The following METTL21A variants were observed in gnomAD, a reference collection of about 807,000 sequenced individuals.
The protein encoded by METTL21A is methyltransferase 21A, HSPA lysine.
Under a neutral mutation model 20.9 loss-of-function variants are expected in METTL21A, and 22 were observed. The observed-to-expected ratio is 1.05, with a 90% CI of 0.75 to 1.50. The LOEUF (loss-of-function observed/expected upper bound fraction) is 1.50. METTL21A is among the 40% of genes most tolerant of loss of function. The probability of loss-of-function intolerance (pLI) is 0.00; values close to 1 mark genes in which losing one functional copy is unlikely to be tolerated. For synonymous variants in METTL21A, 93 were observed against 102.0 expected (o/e 0.91, Z 0.53); for missense variants, 271 against 266.8 (o/e 1.02, Z -0.11).
intron 3 of METTL21A, chr2:207,599,608 C>T (rs1391023581): frequency 5.0e-6 from 1 of 199,134 alleles, no homozygotes; most frequent in Non-Finnish European, 1.0e-5. Context: ...AGAAATGTAT[C>T]CTGTTGCTAA....
intron 3 of METTL21A, chr2:207,601,741 G>A (rs2087089727): frequency 4.6e-6 from 1 of 215,890 alleles, no homozygotes; most frequent in African/African-American, 2.3e-5. Context: ...AAGAAATGCT[G>A]CCTAAATTTG....
intron 3 of METTL21A, chr2:207,599,685 G>T (rs2086719424): frequency 5.1e-6 from 1 of 197,628 alleles, no homozygotes. Context: ...AGCATCTTTT[G>T]TGCAGTTTTC....
At position 207,613,585 on chromosome 2, in the gene METTL21A, G is replaced by A. The variant is rs574130771; in HGVS notation, c.260-142C>T. The A allele has an allele frequency of 1.9e-5, 14 of 737,784 alleles. No homozygotes were observed. In the African/African-American group the frequency reaches 2.5e-4, roughly 13 times the overall value. The allele number at this position is 737,784 out of a possible 1,614,324, so 45.7% of individuals were successfully genotyped here. ...TCAATCACACCTTTCATGGACAGCT[G>A]CAATAGAAAAATGACTCACAGCTCC... is the stretch of plus-strand genomic sequence containing the variant. On this transcript the variant is annotated intron_variant, in intron 3 of 3. Coordinates refer to ENST00000406927, the Ensembl canonical transcript of METTL21A.
chr2:207,604,330 G>A (rs904997551), downstream of METTL21A, among the ~76,000 whole-genome samples: 2 of 152,176 alleles, frequency 1.3e-5, no homozygotes, highest in Non-Finnish European at 2.9e-5. Context: ...ACAGGCCCAA[G>A]ACAAACTTAA....
chr2:207,595,776 C>T lies in METTL21A; in HGVS notation c.260-13616G>A, dbSNP rs866433420. On this transcript the variant is annotated intron_variant, in intron 3 of 3. Coordinates refer to the METTL21A transcript ENST00000425132. The stretch of plus-strand genomic sequence containing the variant: ...TAGAGACAGGGTCTTAATATATTGC[C>T]CAGGCTGTTCTTGAACACATGGGTT... Among the ~76,000 whole-genome samples the T allele has an allele frequency of 7.9e-5, 12 of 152,126 alleles. No homozygotes were observed. The East Asian group carries it at 2.1e-3, about 27-fold the overall frequency.
At chr2:207,607,389 CAAA>C (rs911579268), downstream of METTL21A, among the ~76,000 whole-genome samples, 1 of 147,702 alleles carries the variant, frequency 6.8e-6, no homozygotes, top group Non-Finnish European at 1.5e-5. Flanking sequence ...AATTCCATCT[CAAA>C]AAAAAGAAAG....
intron 3 of METTL21A, chr2:207,601,787 A>G (rs1253713473): frequency 4.6e-6 from 1 of 218,732 alleles, no homozygotes; most frequent in Non-Finnish European, 9.2e-6. Context: ...AAGTGTGCAT[A>G]GTAAGGCTGT....
At chr2:207,612,336 G>A (rs1439421725), downstream of METTL21A, 2 of 151,864 alleles carry the variant, frequency 1.3e-5, no homozygotes, top group Non-Finnish European at 2.9e-5. Context: ...CTGACCTCAG[G>A]TGATCTGCCC....
intron 3 of METTL21A, among the ~76,000 whole-genome samples, chr2:207,620,100 C>T (rs1382023861): frequency 6.6e-6 from 1 of 152,078 alleles, no homozygotes; most frequent in Non-Finnish European, 1.5e-5. Context: ...ACCTCATTTC[C>T]CCTTATAGTA....
At chr2:207,597,143 C>G in intron 3 of METTL21A, 1 of 1,397,070 alleles carries the variant, frequency 7.2e-7, no homozygotes, top group Non-Finnish European at 9.6e-7. Flanking sequence ...ATTTTATTTT[C>G]TAAACATTTC....
At chr2:207,612,993 C>G in exon 4 of METTL21A, 1 of 1,493,334 alleles carries the variant, frequency 6.7e-7, no homozygotes, top group Non-Finnish European at 9.0e-7. Context: ...GATTTGCAGT[C>G]TAAGACCTTA....
At chr2:207,591,673 T>G (rs1363048600) in intron 3 of METTL21A, among the ~76,000 whole-genome samples, 1 of 152,250 alleles carries the variant, frequency 6.6e-6, no homozygotes, top group Non-Finnish European at 1.5e-5. Context: ...CCTCAAGTTA[T>G]CCGCTCACCT....
rs568416312 is a variant in METTL21A, at chr2:207,582,083, A to G, written c.*64T>C. On this transcript the variant is annotated 3_prime_UTR_variant, in exon 4 of 4. Coordinates refer to the METTL21A transcript ENST00000425132. ...TGATCACTTGGTTAAAGTGCTGTCC[A>G]GGTGTCTCCACTGTTGAGCTACCAT... 7.1e-6 allele frequency: 5 copies of G among 702,500 alleles called. No homozygotes were observed. The African/African-American group carries it at 8.7e-5, about 12-fold the overall frequency. 43.5% of individuals were successfully genotyped at this position (702,500 alleles called of 1,614,324 possible). A position where few individuals can be genotyped will look rare whatever the true frequency, so the allele number is the denominator to read the frequency against.
At chr2:207,588,355 G>T (rs1035141494) in intron 3 of METTL21A, among the ~76,000 whole-genome samples, 1 of 151,904 alleles carries the variant, frequency 6.6e-6, no homozygotes, top group Non-Finnish European at 1.5e-5. Flanking sequence ...GACCATATTT[G>T]TGTGAGTCTG....
chr2:207,625,475 G>T (rs556152937), upstream of METTL21A: 27 of 152,470 alleles, frequency 1.8e-4, no homozygotes, highest in South Asian at 2.9e-3. Context: ...CGGTGGAGGA[G>T]TGACGTTGCG....
chr2:207,603,338 TTTTC>T (rs1195579263), intron 3 of METTL21A: 2 of 223,998 alleles, frequency 8.9e-6, no homozygotes, highest in African/African-American at 4.5e-5. Flanking sequence ...ATAAAGTGCT[TTTTC>T]TTACTGTAAT....
At chr2:207,582,935 AC>A (rs1335195343) in intron 3 of METTL21A, 1 of 220,790 alleles carries the variant, frequency 4.5e-6, no homozygotes, top group African/African-American at 2.4e-5. Flanking sequence ...ATATATACAT[AC>A]ACACACACAT....
At chr2:207,615,512 A>G (rs965964847) in intron 3 of METTL21A, among the ~76,000 whole-genome samples, 2 of 152,188 alleles carry the variant, frequency 1.3e-5, no homozygotes, top group East Asian at 3.9e-4. Context: ...CCTGGCCAAC[A>G]TGGTGAAACC....
chr2:207,614,574 T>C (rs573175664), intron 3 of METTL21A, among the ~76,000 whole-genome samples: 2 of 152,228 alleles, frequency 1.3e-5, no homozygotes, highest in Non-Finnish European at 2.9e-5. Flanking sequence ...TACGTATTTC[T>C]TGAAAAATTG....
Sources: allele counts gnomAD v4.1 joint callset (sites outside exome capture counted in the v4.1 genomes callset), GRCh38; gene constraint gnomAD v4.1.1; transcripts MANE v1.5; gene names NCBI Gene and HGNC (gene_info 2026-07-23, HGNC 2026-07-21).